HMCN1: variants seen among roughly 807,000 people sequenced by gnomAD.
HMCN1 encodes hemicentin 1, also known as hemicentin-1.
In HMCN1, 321 loss-of-function variants were observed where a neutral mutation model predicts 625.9. The observed-to-expected ratio is 0.51, with a 90% CI of 0.47 to 0.56. The LOEUF (loss-of-function observed/expected upper bound fraction) is 0.56. HMCN1 is among the 20% of genes least tolerant of loss of function. The pLI is 0.00. For missense variants in HMCN1, 6,588 were observed against 6,887.3 expected, an observed-to-expected ratio of 0.96 and a Z score of 1.54; for synonymous variants, 2,425 against 2,417.6, an observed-to-expected ratio of 1.00 and a Z score of -0.09.
rs755552027 is a variant in HMCN1 at position 186,125,761 on chromosome 1, A to T, written c.12657A>T (p.Glu4219Asp). 1.2e-6 allele frequency: 2 copies of T among 1,613,290 alleles called. No individual in the cohort carries two copies. The highest frequency in any genetic ancestry group is 2.2e-5 in the South Asian group (2 of 91,068). The change falls in exon 82 of 107, where the codon GAA becomes GAT. Residue 4219 changes from glutamate (E) to aspartate (D), a missense_variant. Glu to Asp is a conservative substitution (Grantham distance 45, BLOSUM62 2). Coordinates refer to ENST00000271588, the MANE Select transcript of HMCN1 (RefSeq NM_031935.3). ...ACTTGTTAGGAAAATACACTGCTGA[A>T]CCATATGGAGAACTCATTTTAGAAA... Reference protein sequence around the residue: ...LANLLGKYTAEPYGELILENV... With the variant: ...LANLLGKYTADPYGELILENV...
At chr1:185,866,852 ATTT>A (rs1663278862) in intron 4 of HMCN1, among the ~76,000 whole-genome samples, 1 of 151,518 alleles carries the variant, frequency 6.6e-6, no homozygotes, top group African/African-American at 2.4e-5. Flanking sequence ...ATTTATTTTT[ATTT>A]TTTGTTTAGT....
At chr1:186,121,446 T>C in intron 80 of HMCN1, among the ~76,000 whole-genome samples, 1 of 152,016 alleles carries the variant, frequency 6.6e-6, no homozygotes, top group East Asian at 1.9e-4. Context: ...AGAAAACTGA[T>C]GGATTTATGT....
rs774068188 is a variant in HMCN1 at position 186,087,248 on chromosome 1, G to T, written c.9078G>T (p.Lys3026Asn). Residue 3026 changes from lysine (K) to asparagine (N), a missense_variant, in exon 59 of 107, where the codon AAG becomes AAT. By Grantham distance (94) the Lys-to-Asn change is moderately conservative. This residue lies in a region of HMCN1 where 4,628 missense variants were observed against 4,853.1 expected (regional missense o/e 0.95). Transcript: ENST00000271588. Reference sequence around the variant, plus strand: ...GAACTCTACAGATTATTCGGGCCAAGGTATCAGATGGTGGTGAATACACTT... The same window carrying T: ...GAACTCTACAGATTATTCGGGCCAATGTATCAGATGGTGGTGAATACACTT... Reference protein sequence around the residue: ...GGRTLQIIRAKVSDGGEYTCI... With the variant: ...GGRTLQIIRANVSDGGEYTCI... 6.2e-7 allele frequency: 1 copy of T among 1,613,082 alleles called. No individual in the cohort carries two copies.
intron 15 of HMCN1, among the ~76,000 whole-genome samples, chr1:185,975,227 C>T (rs557184195): frequency 6.6e-5 from 10 of 152,104 alleles, no homozygotes; most frequent in Non-Finnish European, 1.2e-4. Context: ...TTCGTGTATT[C>T]GTCCGTTCTC....
intron 2 of HMCN1, among the ~76,000 whole-genome samples, 183 bp downstream of exon 2, chr1:185,846,279 A>G (rs940308233): frequency 2.6e-5 from 4 of 152,180 alleles, no homozygotes; most frequent in Non-Finnish European, 5.9e-5. Context: ...CAGAAATAGG[A>G]CAGATGGGGT....
At position 186,000,181 on chromosome 1, in the gene HMCN1, C is replaced by T. The variant is rs1412622463; in HGVS notation, c.4011C>T (p.Ile1337=). The change falls in exon 26 of 107, where the codon ATC becomes ATT. Residue 1337 remains isoleucine (I), a synonymous_variant. Transcript: ENST00000271588. ...CACCCTATGACAATGGGGAGTACAT[C>T]TGTGTGGCAGTCAATGAAGCTGGAA... ...SVTPYDNGEY[I]CVAVNEAGTT... is the part of the protein sequence containing the mutation. 1.9e-6 allele frequency: 3 copies of T among 1,613,152 alleles called. No homozygotes were observed. The Admixed American group carries it at 5.0e-5, about 27-fold the overall frequency.
chr1:186,062,067 T>C (rs1412380034), intron 47 of HMCN1, 103 bp downstream of exon 47: 2 of 721,394 alleles, frequency 2.8e-6, no homozygotes, highest in Non-Finnish European at 4.9e-6. Flanking sequence ...CTGTGTTATT[T>C]AGACCCTGGA....
At chr1:185,890,218 T>C (rs1232175434) in intron 4 of HMCN1, among the ~76,000 whole-genome samples, 3 of 148,842 alleles carry the variant, frequency 2.0e-5, no homozygotes, top group Non-Finnish European at 4.4e-5. Flanking sequence ...TTTATTAGTC[T>C]TGCTAGCGGT....
chr1:185,861,485 T>A (rs540542084), intron 2 of HMCN1, among the ~76,000 whole-genome samples: 1 of 152,306 alleles, frequency 6.6e-6, no homozygotes, highest in South Asian at 2.1e-4. Flanking sequence ...TCATGCGCAG[T>A]TGAGGAATGT....
intron 15 of HMCN1, among the ~76,000 whole-genome samples, chr1:185,972,948 A>G (rs1375481038): frequency 6.6e-6 from 1 of 152,154 alleles, no homozygotes; most frequent in Non-Finnish European, 1.5e-5. Context: ...AATGCTAAGA[A>G]CCATGCAAAT....
chr1:185,950,532 G>A (rs1668594984), intron 11 of HMCN1, among the ~76,000 whole-genome samples: 1 of 151,756 alleles, frequency 6.6e-6, no homozygotes, highest in Non-Finnish European at 1.5e-5. Flanking sequence ...AAGGTGCTTG[G>A]GTTTGAGAGA....
intron 13 of HMCN1, among the ~76,000 whole-genome samples, chr1:185,964,976 T>C (rs1408490033): frequency 1.3e-5 from 2 of 152,218 alleles, no homozygotes; most frequent in South Asian, 2.1e-4. Context: ...CCATTTATAA[T>C]TTTTGAAAGA....
intron 2 of HMCN1, among the ~76,000 whole-genome samples, chr1:185,849,176 C>G (rs1662013546): frequency 6.6e-6 from 1 of 152,166 alleles, no homozygotes; most frequent in Non-Finnish European, 1.5e-5. Flanking sequence ...CTGCAGAGGC[C>G]TTGCATAGAG....
chr1:185,892,139 C>T (rs1003176741), intron 4 of HMCN1, among the ~76,000 whole-genome samples: 1 of 149,026 alleles, frequency 6.7e-6, no homozygotes, highest in South Asian at 2.1e-4. Flanking sequence ...ACGTAGTTCT[C>T]GAGCCTTGGT....
At chr1:186,057,049 A>T (rs1421226915) in intron 45 of HMCN1, among the ~76,000 whole-genome samples, 185 bp from the exon 46 acceptor site, 2 of 151,716 alleles carry the variant, frequency 1.3e-5, no homozygotes, top group Admixed American at 1.3e-4. Context: ...ACACACACAC[A>T]CACACACACA....
At chr1:186,108,433 CT>C in intron 70 of HMCN1, 27 bp from the exon 71 acceptor site, 2 of 1,613,940 alleles carry the variant, frequency 1.2e-6, no homozygotes, top group Non-Finnish European at 1.7e-6. Context: ...ATACAGATTG[CT>C]TTTGTTGTAT....
Position 185,995,101 on chromosome 1 carries a change from C to T in HMCN1, c.3778+14C>T, listed in dbSNP as rs376268471. ...TACATGTCCAAGGTGATTCTTGACA[C>T]AGGAAAATATATGTATGTAGGGTGG... is the stretch of plus-strand genomic sequence containing the variant. On this transcript the variant is annotated intron_variant, in intron 24 of 106. Transcript: ENST00000271588. 3.7e-6 allele frequency: 6 copies of T among 1,611,614 alleles called. No homozygotes were observed. Among genetic ancestry groups the T allele is most frequent in the Non-Finnish European group, 5.1e-6 (6 of 1,178,046 alleles).
At chr1:186,060,838 AT>A (rs1445171793) in intron 46 of HMCN1, among the ~76,000 whole-genome samples, 1 of 152,088 alleles carries the variant, frequency 6.6e-6, no homozygotes. Context: ...TCTTTCTGAT[AT>A]TCCCATATTA....
intron 96 of HMCN1, 48 bp from the exon 97 acceptor site, chr1:186,153,702 A>C: frequency 6.5e-7 from 1 of 1,528,808 alleles, no homozygotes; most frequent in Non-Finnish European, 9.1e-7. Flanking sequence ...AAGGGAAAAA[A>C]ATTAGTATGA....
Sources: allele counts gnomAD v4.1 joint callset (sites outside exome capture counted in the v4.1 genomes callset), GRCh38; gene constraint gnomAD v4.1.1; regional missense constraint gnomAD v4.1.1; transcripts MANE v1.5; gene names NCBI Gene and HGNC (gene_info 2026-07-23, HGNC 2026-07-21).